RBFOX3: variants seen among roughly 807,000 people sequenced by gnomAD.
The protein encoded by RBFOX3 is RNA binding fox-1 homolog 3.
A neutral mutation model predicts 48.7 loss-of-function variants in RBFOX3; 17 were observed. The ratio of observed to expected loss-of-function variants is 0.35; its 90% confidence interval spans 0.24 to 0.52. RBFOX3 has a LOEUF of 0.52. Ranked by LOEUF, RBFOX3 falls within the 20% of genes least tolerant of loss-of-function variation. RBFOX3 has a pLI of 0.94. For synonymous variants in RBFOX3, 212 were observed against 209.5 expected (o/e 1.01, Z -0.10); for missense variants, 382 against 497.5 (o/e 0.77, Z 2.21).
At chr17:79,126,176 A>C (rs1363976231) in intron 4 of RBFOX3, among the ~76,000 whole-genome samples, 1 of 152,174 alleles carries the variant, frequency 6.6e-6, no homozygotes, top group Non-Finnish European at 1.5e-5. Flanking sequence ...TCCCAGTTTG[A>C]ATGCGGTTGG....
chr17:79,626,424 G>A, the RBFOX3 span, among the ~76,000 whole-genome samples: 24 of 152,194 alleles, frequency 1.6e-4, no homozygotes, highest in Non-Finnish European at 2.4e-4. Context: ...AGCAGGAAGC[G>A]GCCACTGTCG....
intron 1 of RBFOX3, among the ~76,000 whole-genome samples, chr17:79,610,382 C>G (rs1422873480): frequency 6.6e-6 from 1 of 151,794 alleles, no homozygotes; most frequent in Non-Finnish European, 1.5e-5. Context: ...GGGCCGGGAT[C>G]TCCGCGCGCC....
chr17:79,643,092 A>AC, the RBFOX3 span, among the ~76,000 whole-genome samples: 6 of 152,176 alleles, frequency 3.9e-5, no homozygotes. Context: ...ACAAAGTTGG[A>AC]CCCTGTCTCT....
chr17:79,489,140 G>A lies in RBFOX3; in HGVS notation c.-319-6542C>T, dbSNP rs782639248. 8.7e-3 allele frequency among the ~76,000 whole-genome samples: 1,307 copies of A among 150,442 alleles called. 16 individuals are homozygous for A. The highest frequency in any genetic ancestry group is 0.028 in the Middle Eastern group (8 of 288). On this transcript the variant is annotated intron_variant, in intron 1 of 14. Coordinates refer to ENST00000693108, the MANE Select transcript of RBFOX3 (RefSeq NM_001350451.2). ...TGCAAAATCTCAGAGGACTCCACTC[G>A]CACATTTTAGATTTTACTTTTCTCC...
At chr17:79,097,571 G>A (rs1599398257) in intron 10 of RBFOX3, 121 bp downstream of exon 10, 1 of 1,329,112 alleles carries the variant, frequency 7.5e-7, no homozygotes, top group Non-Finnish European at 1.0e-6. Context: ...TCAACACGGC[G>A]ACGGGAGGGC....
At chr17:79,139,742 G>A (rs1384025848) in intron 4 of RBFOX3, among the ~76,000 whole-genome samples, 3 of 152,148 alleles carry the variant, frequency 2.0e-5, no homozygotes, top group Admixed American at 6.5e-5. Context: ...AGGCAGAAAT[G>A]GGCCCTTCTG....
At chr17:79,241,333 GC>G (rs2062343953) in intron 3 of RBFOX3, among the ~76,000 whole-genome samples, 1 of 152,060 alleles carries the variant, frequency 6.6e-6, no homozygotes, top group South Asian at 2.1e-4. Flanking sequence ...TTAAGTTTGA[GC>G]CCTCTGCGTA....
intron 5 of RBFOX3, among the ~76,000 whole-genome samples, chr17:79,107,773 G>A (rs1172383462): frequency 6.6e-6 from 1 of 152,246 alleles, no homozygotes; most frequent in Admixed American, 6.5e-5. Flanking sequence ...CAAACCGCAG[G>A]TGCCAGCCTC....
At chr17:79,635,441 C>A in the RBFOX3 span, among the ~76,000 whole-genome samples, 2 of 152,238 alleles carry the variant, frequency 1.3e-5, no homozygotes, top group Non-Finnish European at 2.9e-5. Context: ...TTCCTGCCTC[C>A]TCCCAGACGA....
rs72846809 is a variant in RBFOX3, at chr17:79,230,601, T to G, written c.-34+5165A>C. On this transcript the variant is annotated intron_variant, in intron 4 of 14. Transcript: ENST00000693108. Reference sequence around the variant, plus strand: ...TCAAAATGTTCCTGAGAAGAAACGCTGTGAAGCAGTCTTGCTAAGCCTTTC... The same window carrying G: ...TCAAAATGTTCCTGAGAAGAAACGCGGTGAAGCAGTCTTGCTAAGCCTTTC... Among the ~76,000 whole-genome samples the G allele has an allele frequency of 5.1e-3, 781 of 152,292 alleles. 3 individuals carry two copies. The highest frequency in any genetic ancestry group is 9.1e-3 in the Non-Finnish European group (619 of 68,022).
At chr17:79,300,851 G>A (rs890716646) in intron 3 of RBFOX3, among the ~76,000 whole-genome samples, 7 of 152,156 alleles carry the variant, frequency 4.6e-5, no homozygotes, top group African/African-American at 1.7e-4. Context: ...AGATGAATGG[G>A]TCTTGGGAGA....
the RBFOX3 span, among the ~76,000 whole-genome samples, chr17:79,659,327 C>A: frequency 1.7e-4 from 25 of 148,932 alleles, no homozygotes; most frequent in African/African-American, 3.9e-4. Context: ...GGATGATGTA[C>A]CAGAGGGTAT....
chr17:79,658,018 C>G, the RBFOX3 span, among the ~76,000 whole-genome samples: 1 of 152,234 alleles, frequency 6.6e-6, no homozygotes, highest in African/African-American at 2.4e-5. Context: ...TGGCTGAGAA[C>G]AGTCTGTTCT....
At chr17:79,122,104 C>T (rs906655766) in intron 4 of RBFOX3, among the ~76,000 whole-genome samples, 4 of 152,158 alleles carry the variant, frequency 2.6e-5, no homozygotes, top group Non-Finnish European at 4.4e-5. Context: ...CTTGACTTGG[C>T]TCTTTTGGCC....
chr17:79,592,813 G>A (rs1301102915), intron 1 of RBFOX3, among the ~76,000 whole-genome samples: 1 of 152,182 alleles, frequency 6.6e-6, no homozygotes, highest in Non-Finnish European at 1.5e-5. Context: ...AGCAGTCCTG[G>A]CGCATCCCAA....
chr17:79,149,097 G>A (rs1279776195), intron 4 of RBFOX3, among the ~76,000 whole-genome samples: 1 of 152,178 alleles, frequency 6.6e-6, no homozygotes, highest in Non-Finnish European at 1.5e-5. Flanking sequence ...GAAGCACAAG[G>A]AGATCCTCCA....
intron 1 of RBFOX3, among the ~76,000 whole-genome samples, chr17:79,545,289 C>T (rs1275703682): frequency 1.3e-5 from 2 of 151,994 alleles, no homozygotes; most frequent in East Asian, 3.9e-4. Context: ...TAGAGGAGCA[C>T]GTCTACCAGG....
chr17:79,652,025 C>A, the RBFOX3 span, among the ~76,000 whole-genome samples: 1 of 151,588 alleles, frequency 6.6e-6, no homozygotes, highest in Admixed American at 6.6e-5. Context: ...CCAGCCCTGG[C>A]AAACATATTG....
At chr17:79,615,912 C>T (rs1292491785), upstream of RBFOX3, among the ~76,000 whole-genome samples, 1 of 152,178 alleles carries the variant, frequency 6.6e-6, no homozygotes, top group Non-Finnish European at 1.5e-5. Flanking sequence ...TTCACATTGT[C>T]TTCTCCCAGG....
Sources: gnomAD v4.1 joint callset for allele counts (sites outside exome capture counted in the v4.1 genomes callset) on GRCh38, gnomAD v4.1.1 for gene constraint, MANE v1.5 for transcripts, NCBI Gene and HGNC (gene_info 2026-07-23, HGNC 2026-07-21) for gene names.